The following CDH10 variants were observed in gnomAD, a reference collection of about 807,000 sequenced individuals.
CDH10 encodes cadherin-10.
Under a neutral mutation model 73.1 loss-of-function variants are expected in CDH10, and 30 were observed. The observed-to-expected ratio is 0.41, with a 90% CI of 0.31 to 0.56. CDH10 has a LOEUF of 0.56. CDH10 is among the 20% of genes least tolerant of loss of function. CDH10 has a pLI of 0.27. For synonymous variants in CDH10, 345 were observed against 348.2 expected (o/e 0.99, Z 0.10); for missense variants, 815 against 973.7 (o/e 0.84, Z 2.17).
At chr5:24,560,238 G>A (rs1744912179) in intron 2 of CDH10, among the ~76,000 whole-genome samples, 1 of 147,912 alleles carries the variant, frequency 6.8e-6, no homozygotes, top group African/African-American at 2.5e-5. Flanking sequence ...GTGTGTGTGT[G>A]TGTGTGTGTG....
chr5:24,562,698 G>C (rs1745002509), intron 2 of CDH10, among the ~76,000 whole-genome samples: 2 of 152,136 alleles, frequency 1.3e-5, no homozygotes, highest in South Asian at 2.1e-4. Context: ...GTTAAACAGA[G>C]AGAGAACATC....
intron 2 of CDH10, among the ~76,000 whole-genome samples, chr5:24,582,741 C>T (rs2319468): frequency 0.94 from 143,331 of 152,268 alleles, 67,651 homozygotes; most frequent in East Asian, 1. Flanking sequence ...ATTTGCAAAA[C>T]GCAAAATGCT....
At chr5:24,567,351 G>A (rs1220559317) in intron 2 of CDH10, among the ~76,000 whole-genome samples, 1 of 150,234 alleles carries the variant, frequency 6.7e-6, no homozygotes, top group Non-Finnish European at 1.5e-5. Context: ...CTACACATTT[G>A]GAAAAAAAAA....
chr5:24,582,309 T>G (rs1745831516), intron 2 of CDH10, among the ~76,000 whole-genome samples: 1 of 152,188 alleles, frequency 6.6e-6, no homozygotes, highest in Non-Finnish European at 1.5e-5. Context: ...CAACAATATT[T>G]GGCAAAAGAA....
At chr5:24,489,888 C>A (rs1741985701) in intron 11 of CDH10, among the ~76,000 whole-genome samples, 1 of 152,030 alleles carries the variant, frequency 6.6e-6, no homozygotes, top group Admixed American at 6.6e-5. Context: ...ACAGATTCCA[C>A]TGGGAATCTC....
At chr5:24,552,742 C>G (rs988347451) in intron 2 of CDH10, among the ~76,000 whole-genome samples, 3 of 151,986 alleles carry the variant, frequency 2.0e-5, no homozygotes, top group Non-Finnish European at 4.4e-5. Context: ...CTCATAGCTA[C>G]TAATTGTCTA....
chr5:24,601,318 G>T (rs1237128947), intron 1 of CDH10, among the ~76,000 whole-genome samples: 2 of 152,154 alleles, frequency 1.3e-5, no homozygotes, highest in African/African-American at 4.8e-5. Context: ...TATGTGATTT[G>T]CTCAGTCTCA....
At position 24,571,728 on chromosome 5, in the gene CDH10, A is replaced by G. The variant is rs537003061; in HGVS notation, c.231+21532T>C. Among the ~76,000 whole-genome samples the G allele has an allele frequency of 3.2e-4, 48 of 152,216 alleles. 1 individual carries two copies. The highest frequency in any genetic ancestry group is 8.3e-4 in the South Asian group (4 of 4,828). On this transcript the variant is annotated intron_variant, in intron 2 of 11. Coordinates refer to ENST00000264463, the MANE Select transcript of CDH10 (RefSeq NM_006727.5). Reference sequence around the variant, plus strand: ...TCTATGAAAAAAAATAATGCTATGTATCAATGAGCTGGCAAATCTTTAACA... The same window carrying G: ...TCTATGAAAAAAAATAATGCTATGTGTCAATGAGCTGGCAAATCTTTAACA...
rs137998365 is a variant in CDH10, at chr5:24,511,469, G to T, written c.860C>A (p.Ala287Asp). 7.5e-6 allele frequency: 12 copies of T among 1,606,818 alleles called. No individual in the cohort carries two copies. Among genetic ancestry groups the T allele is most frequent in the Non-Finnish European group, 9.4e-6 (11 of 1,174,734 alleles). The part of the protein sequence containing the change: ...RVLESSPVGT[A>D]IGSVKATDAD... ...ATCAGTTGCTTTGACACTTCCAATG[G>T]CTGTGCCAACTGGGGAGGATTCAAG... The change falls in exon 6 of 12, where the codon GCC becomes GAC. Residue 287 changes from alanine (A) to aspartate (D), a missense_variant. By Grantham distance (126) the Ala-to-Asp change is moderately radical (BLOSUM62 -2). Transcript: ENST00000264463.
intron 2 of CDH10, among the ~76,000 whole-genome samples, chr5:24,578,916 A>G (rs1745693714): frequency 6.6e-6 from 1 of 152,166 alleles, no homozygotes; most frequent in Admixed American, 6.5e-5. Context: ...TGTATAAAAA[A>G]TGAAAAATTT....
intron 2 of CDH10, among the ~76,000 whole-genome samples, chr5:24,559,378 G>C (rs1232498437): frequency 6.6e-6 from 1 of 151,942 alleles, no homozygotes; most frequent in East Asian, 1.9e-4. Context: ...GGGCACATAA[G>C]AGAAACATTC....
chr5:24,493,550 A>T (rs1031794467), intron 9 of CDH10, among the ~76,000 whole-genome samples: 1 of 151,880 alleles, frequency 6.6e-6, no homozygotes, highest in Non-Finnish European at 1.5e-5. Context: ...AAAGTAGACA[A>T]TTTAGCCCCT....
At chr5:24,503,801 C>G (rs1239022891) in intron 8 of CDH10, among the ~76,000 whole-genome samples, 1 of 151,690 alleles carries the variant, frequency 6.6e-6, no homozygotes, top group Admixed American at 6.6e-5. Flanking sequence ...AAAATAAATT[C>G]TTTTTTTTAG....
At chr5:24,586,892 T>C (rs1746031271) in intron 2 of CDH10, among the ~76,000 whole-genome samples, 1 of 132,808 alleles carries the variant, frequency 7.5e-6, no homozygotes, top group African/African-American at 3.1e-5. Flanking sequence ...TCGCCCAGGC[T>C]GGAGTGCAGT....
chr5:24,593,721 C>A lies in CDH10; in HGVS notation c.-123-108G>T, dbSNP rs1420082456. 7 of 483,176 alleles carry A rather than the reference C, an allele frequency of 1.4e-5. No homozygotes were observed. The South Asian group carries it at 2.1e-4, about 14-fold the overall frequency. 29.9% of individuals were successfully genotyped at this position (483,176 alleles called of 1,614,324 possible). ...GTTTATTAATAACAACCAAAACATT[C>A]ATTTTCTTTATTTTTCATACAATAA... On this transcript the variant is annotated intron_variant, in intron 1 of 11. Coordinates refer to ENST00000264463, the MANE Select transcript of CDH10 (RefSeq NM_006727.5).
chr5:24,523,192 G>A (rs1743403157), intron 5 of CDH10, among the ~76,000 whole-genome samples: 1 of 151,978 alleles, frequency 6.6e-6, no homozygotes, highest in Non-Finnish European at 1.5e-5. Flanking sequence ...AAGTCAATGA[G>A]TAATGTATAA....
intron 1 of CDH10, among the ~76,000 whole-genome samples, chr5:24,600,032 GGGC>G (rs1476035580): frequency 1.3e-5 from 2 of 152,036 alleles, no homozygotes; most frequent in African/African-American, 4.8e-5. Context: ...GGGCAGAAAG[GGGC>G]CAGATTGTAA....
At chr5:24,509,099 A>AT (rs1170362959) in intron 7 of CDH10, among the ~76,000 whole-genome samples, 2 of 151,818 alleles carry the variant, frequency 1.3e-5, no homozygotes, top group Admixed American at 1.3e-4. Context: ...TGTGCTCACC[A>AT]TATTTGTATA....
intron 8 of CDH10, among the ~76,000 whole-genome samples, chr5:24,500,491 T>C (rs17457085): frequency 0.011 from 1,743 of 152,378 alleles, 25 homozygotes; most frequent in Middle Eastern, 0.061. Flanking sequence ...TATTATCCAC[T>C]TGTTCGTGTA....
Sources: allele counts gnomAD v4.1 joint callset (sites outside exome capture counted in the v4.1 genomes callset), GRCh38; gene constraint gnomAD v4.1.1; transcripts MANE v1.5; gene names NCBI Gene and HGNC (gene_info 2026-07-23, HGNC 2026-07-21).